Variants in FRMD4B observed in about 807,000 individuals in gnomAD.
FRMD4B encodes FERM domain containing 4B.
A neutral mutation model predicts 141.5 loss-of-function variants in FRMD4B; 74 were observed. The observed-to-expected ratio is 0.52, with a 90% CI of 0.43 to 0.63. The LOEUF is 0.63. Among genes scored for constraint, FRMD4B ranks in the 30% least tolerant of loss-of-function variants. FRMD4B has a pLI of 0.00. For synonymous variants in FRMD4B, 506 were observed against 467.9 expected, an observed-to-expected ratio of 1.08 and a Z score of -1.05; for missense variants, 1,366 against 1,253.4, an observed-to-expected ratio of 1.09 and a Z score of -1.36.
At chr3:69,320,765 G>C (rs1399492452) in intron 1 of FRMD4B, 1 of 152,128 alleles carries the variant, frequency 6.6e-6, no homozygotes, top group African/African-American at 2.4e-5. Context: ...TTTAAAAAAC[G>C]ATCTCTTTGG....
chr3:69,475,453 G>A (rs537269201), intron 1 of FRMD4B, among the ~76,000 whole-genome samples: 26 of 151,226 alleles, frequency 1.7e-4, no homozygotes, highest in Non-Finnish European at 3.8e-4. Context: ...GAGAATATGT[G>A]GTGTTTGGTT....
At chr3:69,418,878 T>C (rs1575795714) in intron 2 of FRMD4B, among the ~76,000 whole-genome samples, 1 of 81,218 alleles carries the variant, frequency 1.2e-5, no homozygotes, top group Non-Finnish European at 3.1e-5. Flanking sequence ...CATATATACA[T>C]ATATGTTGTT....
chr3:69,399,923 G>A (rs1704532072), intron 2 of FRMD4B, among the ~76,000 whole-genome samples: 1 of 152,158 alleles, frequency 6.6e-6, no homozygotes. Flanking sequence ...TGGTACAAAA[G>A]TAATTGCAGA....
intron 2 of FRMD4B, among the ~76,000 whole-genome samples, chr3:69,416,216 G>C (rs7626097): frequency 1.3e-5 from 2 of 152,046 alleles, no homozygotes; most frequent in African/African-American, 4.8e-5. Flanking sequence ...GCTGAAAGCT[G>C]ACATACAGAA....
At chr3:69,338,219 A>T (rs1383224731) in intron 1 of FRMD4B, among the ~76,000 whole-genome samples, 9 of 152,042 alleles carry the variant, frequency 5.9e-5, no homozygotes, top group Non-Finnish European at 8.8e-5. Flanking sequence ...AAAAAACCAA[A>T]CTCCACGTGT....
chr3:69,365,581 C>A (rs1703616606), intron 1 of FRMD4B, among the ~76,000 whole-genome samples: 1 of 141,588 alleles, frequency 7.1e-6, no homozygotes, highest in East Asian at 1.9e-4. Context: ...CTCGACTCAC[C>A]ACAAACTGCC....
At chr3:69,219,868 T>C (rs35401661) in intron 9 of FRMD4B, among the ~76,000 whole-genome samples, 22,043 of 152,126 alleles carry the variant, frequency 0.14, 2,044 homozygotes, top group African/African-American at 0.26. Flanking sequence ...TGAGAACAAG[T>C]GGTATTTGGT....
At chr3:69,452,937 G>A (rs1403359228) in intron 1 of FRMD4B, among the ~76,000 whole-genome samples, 1 of 152,226 alleles carries the variant, frequency 6.6e-6, no homozygotes, top group African/African-American at 2.4e-5. Context: ...TATAGCTGAC[G>A]TAAGTTTATT....
rs1705069500 is a variant in FRMD4B at position 69,203,027 on chromosome 3, A to C, written c.877-4253T>G. On this transcript the variant is annotated intron_variant, in intron 11 of 22. Transcript: ENST00000398540. Reference sequence around the variant, plus strand: ...ATGGTGGAATCAAGCTGTATTTTGAAAGTGAACTGTATAAAATATTGTCAT... The same window carrying C: ...ATGGTGGAATCAAGCTGTATTTTGACAGTGAACTGTATAAAATATTGTCAT... Among the ~76,000 whole-genome samples the C allele has an allele frequency of 2.6e-5, 4 of 152,032 alleles. No homozygotes were observed. In the South Asian group the frequency reaches 6.2e-4, roughly 24 times the overall value.
intron 5 of FRMD4B, among the ~76,000 whole-genome samples, chr3:69,271,696 G>A (rs897371360): frequency 6.6e-6 from 1 of 152,160 alleles, no homozygotes; most frequent in Admixed American, 6.5e-5. Context: ...TAATAGGCCA[G>A]GCACAGTGGC....
chr3:69,494,688 T>G (rs1424845853), intron 1 of FRMD4B, among the ~76,000 whole-genome samples: 3 of 152,090 alleles, frequency 2.0e-5, no homozygotes, highest in Non-Finnish European at 4.4e-5. Flanking sequence ...GGTCAGGGGT[T>G]TGAGACCAGC....
intron 1 of FRMD4B, among the ~76,000 whole-genome samples, chr3:69,384,590 A>T (rs955147926): frequency 3.3e-5 from 5 of 152,238 alleles, no homozygotes; most frequent in African/African-American, 7.2e-5. Flanking sequence ...AATACTCTCA[A>T]ACTCCCACAT....
chr3:69,393,046 C>T, intron 2 of FRMD4B, among the ~76,000 whole-genome samples: 1 of 152,236 alleles, frequency 6.6e-6, no homozygotes, highest in East Asian at 1.9e-4. Context: ...CCAAGGCTGA[C>T]CAGCAGGCTG....
At chr3:69,267,772 A>G (rs554948144) in intron 5 of FRMD4B, among the ~76,000 whole-genome samples, 7 of 150,946 alleles carry the variant, frequency 4.6e-5, no homozygotes, top group African/African-American at 1.5e-4. Context: ...AGCTTGAATT[A>G]CAGGCATGCA....
intron 11 of FRMD4B, among the ~76,000 whole-genome samples, chr3:69,208,452 G>A (rs1004958845): frequency 1.3e-5 from 2 of 151,960 alleles, no homozygotes; most frequent in East Asian, 1.9e-4. Flanking sequence ...CGCCTACGTC[G>A]GCTTCCCAAA....
chr3:69,448,601 T>A (rs1473255981), intron 1 of FRMD4B, among the ~76,000 whole-genome samples: 1 of 152,208 alleles, frequency 6.6e-6, no homozygotes, highest in Non-Finnish European at 1.5e-5. Context: ...GATTTGAGTT[T>A]GCACTTCCTA....
chr3:69,234,114 C>T (rs750002704), intron 7 of FRMD4B, among the ~76,000 whole-genome samples: 5 of 151,848 alleles, frequency 3.3e-5, no homozygotes, highest in Admixed American at 6.6e-5. Flanking sequence ...GGCCTGGTGG[C>T]GCGTGCGTGT....
rs548780901 is a variant in FRMD4B, at chr3:69,404,650, A to G, written c.-1+27984T>C. Among the ~76,000 whole-genome samples, 6 of 152,290 alleles carry G rather than the reference A, an allele frequency of 3.9e-5. No homozygotes were observed. In the East Asian group the frequency reaches 1.2e-3, roughly 29 times the overall value. On this transcript the variant is annotated intron_variant, in intron 2 of 5. Coordinates refer to the FRMD4B transcript ENST00000459638. Reference sequence around the variant, plus strand: ...TCCAGAGGTCAATAATCCAGGCAGAACTGTGAGTTTCGTGCTTGGTACTGG... The same window carrying G: ...TCCAGAGGTCAATAATCCAGGCAGAGCTGTGAGTTTCGTGCTTGGTACTGG...
intron 2 of FRMD4B, among the ~76,000 whole-genome samples, chr3:69,403,135 G>C (rs759753919): frequency 6.6e-6 from 1 of 152,154 alleles, no homozygotes; most frequent in Non-Finnish European, 1.5e-5. Flanking sequence ...TCATTTGTAA[G>C]AACTGCCTGG....
Sources: allele counts gnomAD v4.1 joint callset (sites outside exome capture counted in the v4.1 genomes callset), GRCh38; gene constraint gnomAD v4.1.1; transcripts MANE v1.5; gene names NCBI Gene and HGNC (gene_info 2026-07-23, HGNC 2026-07-21).